EPHA6: variants seen among roughly 807,000 people sequenced by gnomAD.
The protein encoded by EPHA6 is EPH receptor A6, also known as ephrin type-A receptor 6.
EPHA6 carries 50 observed loss-of-function variants against 112.0 expected under a neutral mutation model. That is an observed-to-expected ratio of 0.45 (90% CI 0.36 to 0.56). The LOEUF is 0.56. Ranked by LOEUF, EPHA6 falls within the 20% of genes least tolerant of loss-of-function variation. The probability of loss-of-function intolerance (pLI) is 0.00; values close to 1 mark genes in which losing one functional copy is unlikely to be tolerated. For synonymous variants in EPHA6, 529 were observed against 490.7 expected (o/e 1.08, Z -1.03); for missense variants, 1,280 against 1,417.4 (o/e 0.90, Z 1.56).
At chr3:97,308,957 A>G (rs1200486030) in intron 5 of EPHA6, among the ~76,000 whole-genome samples, 1 of 151,750 alleles carries the variant, frequency 6.6e-6, no homozygotes, top group Non-Finnish European at 1.5e-5. Context: ...ACTATATAAA[A>G]GTATATCTCA....
At chr3:97,389,880 C>A (rs1336697088) in intron 5 of EPHA6, among the ~76,000 whole-genome samples, 1 of 152,114 alleles carries the variant, frequency 6.6e-6, no homozygotes, top group Non-Finnish European at 1.5e-5. Flanking sequence ...GCCCTGAATG[C>A]TTTTGAAGCT....
chr3:97,029,956 T>C (rs1240597093), intron 3 of EPHA6, among the ~76,000 whole-genome samples: 1 of 152,080 alleles, frequency 6.6e-6, no homozygotes, highest in Non-Finnish European at 1.5e-5. Flanking sequence ...TCCAGGTTCA[T>C]CAAAAATATA....
chr3:97,391,598 T>A (rs1462909414), intron 5 of EPHA6, among the ~76,000 whole-genome samples: 1 of 151,904 alleles, frequency 6.6e-6, no homozygotes, highest in Non-Finnish European at 1.5e-5. Context: ...TACAATATAT[T>A]TGTGTATATT....
chr3:97,665,304 A>G (rs948413186), intron 14 of EPHA6, among the ~76,000 whole-genome samples: 1 of 152,262 alleles, frequency 6.6e-6, no homozygotes. Flanking sequence ...CTTGCACCTT[A>G]TACAAAAAAG....
chr3:96,858,427 A>G (rs2035821480), intron 1 of EPHA6, among the ~76,000 whole-genome samples: 1 of 152,154 alleles, frequency 6.6e-6, no homozygotes. Flanking sequence ...ATGTAATCTA[A>G]ACAGTGGGAA....
At chr3:97,634,691 T>G (rs1384148270) in intron 13 of EPHA6, among the ~76,000 whole-genome samples, 1 of 151,992 alleles carries the variant, frequency 6.6e-6, no homozygotes, top group Non-Finnish European at 1.5e-5. Context: ...ATCCAGTGAT[T>G]GAGGTAGGAC....
chr3:97,628,576 C>T (rs2093877579), intron 13 of EPHA6, among the ~76,000 whole-genome samples: 1 of 151,942 alleles, frequency 6.6e-6, no homozygotes, highest in South Asian at 2.1e-4. Context: ...TGTAGATATA[C>T]TTCAGGAATA....
rs563879251 is a variant in EPHA6 at position 97,257,717 on chromosome 3, T to C, written c.1606+13430T>C. ...AATATGGGTAGAAAAACTGTATGTGTATAGAAAAATTTATCATTTATAATA... is the reference window on the plus strand; with the variant it reads ...AATATGGGTAGAAAAACTGTATGTGCATAGAAAAATTTATCATTTATAATA... On this transcript the variant is annotated intron_variant, in intron 5 of 17. Transcript: ENST00000389672. Among the ~76,000 whole-genome samples the C allele has an allele frequency of 1.0e-3, 152 of 152,148 alleles. 1 individual carries two copies. The highest frequency in any genetic ancestry group is 3.5e-3 in the African/African-American group (145 of 41,538).
rs2035923284 is a variant in EPHA6, at chr3:97,752,371, T to C, written c.*3670T>C. On this transcript the variant is annotated 3_prime_UTR_variant, in exon 18 of 18. Coordinates refer to ENST00000389672, the MANE Select transcript of EPHA6 (RefSeq NM_001080448.3). ...GTCTTTTCCTACCAAATTTCTGCTC[T>C]ACAAGGCAGTCAGTTAAATCTCTCA... 4.4e-6 allele frequency: 1 copy of C among 224,728 alleles called. No individual in the cohort carries two copies. Among genetic ancestry groups the C allele is most frequent in the Non-Finnish European group, 8.9e-6 (1 of 112,708 alleles). The allele number at this position is 224,728 out of a possible 1,614,324, so 13.9% of individuals were successfully genotyped here. A position where few individuals can be genotyped will look rare whatever the true frequency, so the allele number is the denominator to read the frequency against.
chr3:97,648,283 T>C, intron 14 of EPHA6: 1 of 1,023,782 alleles, frequency 9.8e-7, no homozygotes, highest in Non-Finnish European at 1.6e-6. Context: ...TTTGCATTCA[T>C]AGGACCTCTT....
At chr3:96,971,147 A>T in intron 2 of EPHA6, among the ~76,000 whole-genome samples, 1 of 152,222 alleles carries the variant, frequency 6.6e-6, no homozygotes. Flanking sequence ...CATACAGAAG[A>T]TGAACTGTTT....
At chr3:97,612,860 C>T (rs2093731939) in intron 13 of EPHA6, among the ~76,000 whole-genome samples, 1 of 152,014 alleles carries the variant, frequency 6.6e-6, no homozygotes, top group South Asian at 2.1e-4. Context: ...TGTTGTAAAG[C>T]TTGCAGAATA....
intron 14 of EPHA6, among the ~76,000 whole-genome samples, chr3:97,656,908 G>A (rs556425810): frequency 2.0e-5 from 3 of 151,846 alleles, no homozygotes; most frequent in Non-Finnish European, 4.4e-5. Flanking sequence ...AATAAGAACA[G>A]GGTATTATCA....
intron 11 of EPHA6, among the ~76,000 whole-genome samples, chr3:97,543,352 A>T (rs1442522889): frequency 6.6e-6 from 1 of 152,152 alleles, no homozygotes; most frequent in Non-Finnish European, 1.5e-5. Context: ...TAAATAGGGA[A>T]TCCTTTCCCC....
chr3:97,666,164 C>T (rs774698352), intron 14 of EPHA6, among the ~76,000 whole-genome samples: 10 of 152,060 alleles, frequency 6.6e-5, no homozygotes, highest in South Asian at 2.1e-4. Flanking sequence ...CCCTTGTTTC[C>T]GATTCTGTTT....
At chr3:97,400,511 T>C (rs1464719481) in intron 5 of EPHA6, among the ~76,000 whole-genome samples, 2 of 151,728 alleles carry the variant, frequency 1.3e-5, no homozygotes, top group Non-Finnish European at 3.0e-5. Flanking sequence ...TAGATTGCTT[T>C]GGGTGGTATG....
intron 10 of EPHA6, among the ~76,000 whole-genome samples, chr3:97,526,986 CTGGTAGTATAGA>C (rs1473133489): frequency 1.3e-5 from 2 of 152,204 alleles, no homozygotes; most frequent in East Asian, 3.9e-4. Flanking sequence ...CAAGTCTGTC[CTGGTAGTATAGA>C]TGGGTGAGTC....
At chr3:97,328,004 T>C in intron 5 of EPHA6, among the ~76,000 whole-genome samples, 1 of 137,536 alleles carries the variant, frequency 7.3e-6, no homozygotes, top group African/African-American at 3.1e-5. Flanking sequence ...TGTGTATGTA[T>C]ATGTATATGT....
chr3:97,527,053 C>A (rs867805029), intron 10 of EPHA6, among the ~76,000 whole-genome samples: 5 of 152,120 alleles, frequency 3.3e-5, no homozygotes, highest in Admixed American at 2.0e-4. Flanking sequence ...AGAATTACAG[C>A]TAAAGGGGGC....
Sources: gnomAD v4.1 joint callset for allele counts (sites outside exome capture counted in the v4.1 genomes callset) on GRCh38, gnomAD v4.1.1 for gene constraint, MANE v1.5 for transcripts, NCBI Gene and HGNC (gene_info 2026-07-23, HGNC 2026-07-21) for gene names.